Variants in DLC1 observed in about 807,000 individuals in gnomAD.
DLC1 encodes the protein DLC1 Rho GTPase activating protein.
DLC1 carries 54 observed loss-of-function variants against 140.3 expected under a neutral mutation model. That is an observed-to-expected ratio of 0.38 (90% CI 0.31 to 0.48). The LOEUF (loss-of-function observed/expected upper bound fraction) is 0.48, where lower values mean the gene tolerates loss of function less well. Ranked by LOEUF, DLC1 falls within the 20% of genes least tolerant of loss-of-function variation. The pLI is 0.96. For missense variants in DLC1, 2,536 were observed against 1,907.0 expected (o/e 1.33, Z -6.14); for synonymous variants, 986 against 728.1 (o/e 1.35, Z -5.70).
intron 2 of DLC1, among the ~76,000 whole-genome samples, chr8:13,444,997 T>A (rs534533392): frequency 6.6e-6 from 1 of 151,588 alleles, no homozygotes; most frequent in East Asian, 1.9e-4. Flanking sequence ...GGCAGGATGA[T>A]AGCAGACAAG....
intron 5 of DLC1, among the ~76,000 whole-genome samples, chr8:13,147,228 G>A (rs1823501866): frequency 6.6e-6 from 1 of 152,014 alleles, no homozygotes; most frequent in Non-Finnish European, 1.5e-5. Flanking sequence ...GGGGAGCGAG[G>A]GATCTCACCC....
chr8:13,164,524 T>A (rs1039039567), intron 5 of DLC1, among the ~76,000 whole-genome samples: 1 of 152,166 alleles, frequency 6.6e-6, no homozygotes, highest in South Asian at 2.1e-4. Flanking sequence ...ATCTTCCTGA[T>A]GTTCCCTTTG....
At chr8:13,547,607 C>T (rs987423713) in intron 1 of DLC1, among the ~76,000 whole-genome samples, 12 of 151,968 alleles carry the variant, frequency 7.9e-5, no homozygotes, top group Non-Finnish European at 1.6e-4. Context: ...TTGCCTCTGT[C>T]GGCAGCAGAG....
rs553717471 is a variant in DLC1 at position 13,600,101 on chromosome 8, A to C, written c.-126+4436T>G. On this transcript the variant is annotated intron_variant, in intron 1 of 1. Coordinates refer to the DLC1 transcript ENST00000631382. The stretch of plus-strand genomic sequence containing the variant: ...GTGTCATTAGAAAGCAATAGGAAAC[A>C]TGGTCCCCTTCTTTTAGGAGTTGTA... Among the ~76,000 whole-genome samples the C allele has an allele frequency of 9.0e-4, 137 of 152,034 alleles. 2 individuals carry two copies. In the South Asian group the frequency reaches 0.015, roughly 16 times the overall value.
At chr8:13,571,103 A>G (rs568254489) in intron 1 of DLC1, among the ~76,000 whole-genome samples, 3 of 152,316 alleles carry the variant, frequency 2.0e-5, no homozygotes, top group African/African-American at 7.2e-5. Flanking sequence ...ACTTACTTTA[A>G]TTTCTTATGT....
chr8:13,505,733 A>G (rs1448929787), intron 1 of DLC1, among the ~76,000 whole-genome samples: 1 of 152,146 alleles, frequency 6.6e-6, no homozygotes, highest in Non-Finnish European at 1.5e-5. Context: ...AATTTCTATG[A>G]GATTCTTAGG....
chr8:13,549,235 G>T (rs1410487035), intron 1 of DLC1, among the ~76,000 whole-genome samples: 1 of 152,058 alleles, frequency 6.6e-6, no homozygotes, highest in African/African-American at 2.4e-5. Context: ...ATCAGTCTTA[G>T]CGAGGTGATA....
intron 5 of DLC1, among the ~76,000 whole-genome samples, chr8:13,236,907 CAT>C (rs1829306022): frequency 6.6e-6 from 1 of 151,918 alleles, no homozygotes; most frequent in African/African-American, 2.4e-5. Context: ...AAAGAGGAAA[CAT>C]GTTAGATCCT....
chr8:13,208,557 G>C (rs1169988496), intron 5 of DLC1, among the ~76,000 whole-genome samples: 1 of 152,130 alleles, frequency 6.6e-6, no homozygotes, highest in Non-Finnish European at 1.5e-5. Context: ...AGGGTTTTTA[G>C]ATTAAAAGTT....
At chr8:13,132,874 T>C (rs1180747629) in intron 5 of DLC1, 1 of 1,546,820 alleles carries the variant, frequency 6.5e-7, no homozygotes, top group Non-Finnish European at 8.8e-7. Context: ...GGTGACACTT[T>C]CTCGCGGCGG....
intron 5 of DLC1, among the ~76,000 whole-genome samples, chr8:13,120,342 C>CAAAAAAA (rs1554577908): frequency 1.1e-3 from 66 of 58,726 alleles, no homozygotes; most frequent in East Asian, 2.6e-3. Flanking sequence ...GACTCCGTCG[C>CAAAAAAA]AAAAAAAAAA....
chr8:13,390,111 A>G (rs1055967682), intron 4 of DLC1, among the ~76,000 whole-genome samples: 4 of 152,158 alleles, frequency 2.6e-5, no homozygotes, highest in African/African-American at 9.7e-5. Flanking sequence ...CTTCATTCTG[A>G]TATTCCAACC....
chr8:13,286,359 G>A (rs1383587740), intron 5 of DLC1, among the ~76,000 whole-genome samples: 1 of 152,012 alleles, frequency 6.6e-6, no homozygotes, highest in Non-Finnish European at 1.5e-5. Flanking sequence ...GACATACCCA[G>A]TGTTGTGTTA....
At chr8:13,289,489 G>A (rs1399944799) in intron 5 of DLC1, among the ~76,000 whole-genome samples, 1 of 152,118 alleles carries the variant, frequency 6.6e-6, no homozygotes, top group Non-Finnish European at 1.5e-5. Flanking sequence ...ACCATGCCCA[G>A]CTAATTGTTC....
intron 2 of DLC1, among the ~76,000 whole-genome samples, chr8:13,470,938 T>C (rs1044308739): frequency 1.3e-5 from 2 of 152,190 alleles, no homozygotes; most frequent in Non-Finnish European, 2.9e-5. Flanking sequence ...TACACGTGCA[T>C]GCATACAATG....
chr8:13,140,574 T>C (rs2128970092), intron 5 of DLC1, among the ~76,000 whole-genome samples: 1 of 152,198 alleles, frequency 6.6e-6, no homozygotes, highest in South Asian at 2.1e-4. Context: ...CTTTGCTTGT[T>C]GATCTGTAAG....
chr8:13,551,866 G>GTGTATATA (rs377207513), intron 1 of DLC1, among the ~76,000 whole-genome samples: 1 of 136,374 alleles, frequency 7.3e-6, no homozygotes, highest in African/African-American at 2.7e-5. Flanking sequence ...ACAAGTGTGT[G>GTGTATATA]TATATATATA....
In DLC1 at chr8:13,113,645, G is replaced by A. The variant is rs149071387; in HGVS notation, c.1420+1941C>T. Among the ~76,000 whole-genome samples the A allele has an allele frequency of 2.4e-3, 366 of 152,364 alleles. 1 individual carries two copies. The highest frequency in any genetic ancestry group is 3.1e-3 in the Non-Finnish European group (211 of 68,044). On this transcript the variant is annotated intron_variant, in intron 6 of 17. Transcript: ENST00000276297. ...CCACTTTGGTGTTACTGCCAATGCA[G>A]TTGTCTTTCCTTATCTCCAGTAGAG...
intron 2 of DLC1, among the ~76,000 whole-genome samples, chr8:13,472,794 T>C (rs1040158976): frequency 1.1e-4 from 17 of 152,226 alleles, no homozygotes; most frequent in African/African-American, 4.1e-4. Flanking sequence ...CACTAATCAT[T>C]TTAATGAGGG....
Sources: gnomAD v4.1 joint callset for allele counts (sites outside exome capture counted in the v4.1 genomes callset) on GRCh38, gnomAD v4.1.1 for gene constraint, MANE v1.5 for transcripts, NCBI Gene and HGNC (gene_info 2026-07-23, HGNC 2026-07-21) for gene names.